The following ZNF704 variants were observed in gnomAD, a reference collection of about 807,000 sequenced individuals.
ZNF704 encodes the protein zinc finger protein 704, also known as glucocorticoid induced gene 1.
Under a neutral mutation model 44.7 loss-of-function variants are expected in ZNF704, and 10 were observed. That is an observed-to-expected ratio of 0.22 (90% CI 0.14 to 0.38). The LOEUF is 0.38. Ranked by LOEUF, ZNF704 falls within the 10% of genes least tolerant of loss-of-function variation. The pLI is 1.00. For synonymous variants in ZNF704, 211 were observed against 207.6 expected (o/e 1.02, Z -0.14); for missense variants, 390 against 545.5 (o/e 0.71, Z 2.84).
intron 2 of ZNF704, among the ~76,000 whole-genome samples, chr8:80,700,076 T>C (rs1249992666): frequency 3.3e-5 from 5 of 152,344 alleles, no homozygotes; most frequent in Non-Finnish European, 1.5e-5. Flanking sequence ...GCACAGGCCA[T>C]GCACTTATCT....
At chr8:80,646,984 T>C (rs528365275) in intron 7 of ZNF704, among the ~76,000 whole-genome samples, 2 of 152,368 alleles carry the variant, frequency 1.3e-5, no homozygotes, top group African/African-American at 4.8e-5. Context: ...TTCTAGATCA[T>C]GCAAAGTTGC....
In ZNF704 at chr8:80,748,757, C is replaced by T. The variant is rs552583767; in HGVS notation, c.222-55650G>A. The stretch of plus-strand genomic sequence containing the variant: ...AACTTGGCTTAGAGTCGGAAAGACA[C>T]CAAAATTTGGAAGGAAGTTAAAAAA... On this transcript the variant is annotated intron_variant, in intron 2 of 8. Coordinates refer to ENST00000327835, the MANE Select transcript of ZNF704 (RefSeq NM_001033723.3). 3.5e-3 allele frequency among the ~76,000 whole-genome samples: 539 copies of T among 151,984 alleles called. 3 individuals are homozygous for T. The highest frequency in any genetic ancestry group is 0.012 in the African/African-American group (489 of 41,424).
At chr8:80,644,972 C>T (rs920837083) in intron 7 of ZNF704, 6 of 1,163,314 alleles carry the variant, frequency 5.2e-6, no homozygotes, top group Non-Finnish European at 7.8e-6. Context: ...GCCGGAACAG[C>T]AAGATGTGAG....
chr8:80,668,237 T>TGCA (rs886176624), intron 5 of ZNF704, among the ~76,000 whole-genome samples: 67 of 152,150 alleles, frequency 4.4e-4, no homozygotes, highest in African/African-American at 1.3e-3. Context: ...GTCCCCTCAC[T>TGCA]GCAGCAGCAG....
At chr8:80,755,878 G>A (rs894991555) in intron 2 of ZNF704, among the ~76,000 whole-genome samples, 2 of 152,088 alleles carry the variant, frequency 1.3e-5, no homozygotes, top group South Asian at 2.1e-4. Flanking sequence ...GGCCACGGAG[G>A]GAGGATCACT....
intron 7 of ZNF704, among the ~76,000 whole-genome samples, chr8:80,644,578 C>T (rs1817797507): frequency 6.6e-6 from 1 of 152,098 alleles, no homozygotes; most frequent in Admixed American, 6.5e-5. Flanking sequence ...ACATACAACA[C>T]CCGGCAGGAA....
chr8:80,731,172 T>C (rs1013608292), intron 2 of ZNF704, among the ~76,000 whole-genome samples: 2 of 152,248 alleles, frequency 1.3e-5, no homozygotes, highest in African/African-American at 4.8e-5. Context: ...ATCTACTGTT[T>C]AATAATCCAT....
In ZNF704 at chr8:80,746,873, A is replaced by C. The variant is rs183830494; in HGVS notation, c.222-53766T>G. Among the ~76,000 whole-genome samples, 460 of 152,310 alleles carry C rather than the reference A, an allele frequency of 3.0e-3. 2 individuals are homozygous for C. Among genetic ancestry groups the C allele is most frequent in the African/African-American group, 0.01 (419 of 41,568 alleles). ...AAGGTCCTCACAATTCACATTATTA[A>C]TAAGGTGAAATGAAAATATAGTTGG... On this transcript the variant is annotated intron_variant, in intron 2 of 8. Transcript: ENST00000327835.
In ZNF704 at chr8:80,695,650, T is replaced by C. The variant is rs1026162634; in HGVS notation, c.222-2543A>G. 3.5e-4 allele frequency among the ~76,000 whole-genome samples: 54 copies of C among 152,244 alleles called. 1 individual carries two copies. Among genetic ancestry groups the C allele is most frequent in the Admixed American group, 3.3e-3 (51 of 15,290 alleles). On this transcript the variant is annotated intron_variant, in intron 2 of 8. Transcript: ENST00000327835. ...TGAACATTTTGCTTTAGAGGTCTAA[T>C]TGATAATTAACTCAAATACTGATTT...
intron 2 of ZNF704, among the ~76,000 whole-genome samples, chr8:80,730,344 C>G (rs1313644485): frequency 6.6e-6 from 1 of 151,898 alleles, no homozygotes; most frequent in Non-Finnish European, 1.5e-5. Context: ...TTGAGACCAA[C>G]CTGGCCAACA....
intron 2 of ZNF704, among the ~76,000 whole-genome samples, chr8:80,753,348 T>C (rs1806980370): frequency 6.6e-6 from 1 of 152,146 alleles, no homozygotes; most frequent in African/African-American, 2.4e-5. Flanking sequence ...CACACACCAG[T>C]TGCATTCATG....
rs539355511 is a variant in ZNF704 at position 80,843,447 on chromosome 8, A to G, written c.-21-21832T>C. On this transcript the variant is annotated intron_variant, in intron 1 of 8. Transcript: ENST00000327835. ...AGTTGAAGTCTCTTGTTCATGTGTTAGCATCTGAAGGATATTCCACAACAA... is the reference window on the plus strand; with the variant it reads ...AGTTGAAGTCTCTTGTTCATGTGTTGGCATCTGAAGGATATTCCACAACAA... Among the ~76,000 whole-genome samples the G allele has an allele frequency of 4.9e-4, 75 of 152,348 alleles. 1 individual carries two copies. The South Asian group carries it at 0.016, about 32-fold the overall frequency.
intron 7 of ZNF704, among the ~76,000 whole-genome samples, chr8:80,643,688 C>T (rs909908181): frequency 2.6e-5 from 4 of 152,054 alleles, no homozygotes; most frequent in African/African-American, 4.8e-5. Context: ...TACTTCATAT[C>T]TATGCATTTC....
chr8:80,670,459 C>T (rs368960023), intron 5 of ZNF704, 44 bp downstream of exon 5: 2 of 1,453,818 alleles, frequency 1.4e-6, no homozygotes, highest in East Asian at 4.5e-5. Flanking sequence ...TGGCCCTAGA[C>T]TGAGCAGATG....
chr8:80,668,293 C>G (rs987691614), intron 5 of ZNF704, among the ~76,000 whole-genome samples: 3 of 152,206 alleles, frequency 2.0e-5, no homozygotes, highest in African/African-American at 7.2e-5. Flanking sequence ...ACTAATGAGC[C>G]CTGCATAGAA....
intron 2 of ZNF704, among the ~76,000 whole-genome samples, chr8:80,721,177 G>A (rs1432305616): frequency 1.3e-5 from 2 of 152,196 alleles, no homozygotes; most frequent in African/African-American, 4.8e-5. Context: ...CTAATAGAGA[G>A]TATGAACTGT....
intron 1 of ZNF704, among the ~76,000 whole-genome samples, chr8:80,843,859 G>T (rs58095648): frequency 6.6e-6 from 1 of 151,600 alleles, no homozygotes; most frequent in East Asian, 1.9e-4. Context: ...AAGAGCATTC[G>T]CTTGAAAAGT....
chr8:80,725,973 A>G (rs1806472784), intron 2 of ZNF704, among the ~76,000 whole-genome samples: 1 of 152,218 alleles, frequency 6.6e-6, no homozygotes, highest in Non-Finnish European at 1.5e-5. Context: ...CATTAAATCT[A>G]AGATGAAACA....
At chr8:80,735,516 C>A (rs1201334705) in intron 2 of ZNF704, among the ~76,000 whole-genome samples, 1 of 152,152 alleles carries the variant, frequency 6.6e-6, no homozygotes, top group Non-Finnish European at 1.5e-5. Flanking sequence ...TCAACAAATG[C>A]CTTTTAAATA....
Sources: allele counts gnomAD v4.1 joint callset (sites outside exome capture counted in the v4.1 genomes callset), GRCh38; gene constraint gnomAD v4.1.1; transcripts MANE v1.5; gene names NCBI Gene and HGNC (gene_info 2026-07-23, HGNC 2026-07-21).